Variants in LYST observed in about 807,000 individuals in gnomAD.
LYST encodes the protein lysosomal trafficking regulator.
In LYST, 192 loss-of-function variants were observed where a neutral mutation model predicts 413.6. The observed-to-expected ratio is 0.46, with a 90% CI of 0.41 to 0.52. The LOEUF (loss-of-function observed/expected upper bound fraction) is 0.52, where lower values mean the gene tolerates loss of function less well. Ranked by LOEUF, LYST falls within the 20% of genes least tolerant of loss-of-function variation. LYST has a pLI of 0.00. For synonymous variants in LYST, 1,525 were observed against 1,567.3 expected, an observed-to-expected ratio of 0.97 and a Z score of 0.64; for missense variants, 3,815 against 4,499.9, an observed-to-expected ratio of 0.85 and a Z score of 4.35.
intron 43 of LYST, among the ~76,000 whole-genome samples, chr1:235,711,626 T>C (rs1662409548): frequency 6.6e-6 from 1 of 152,216 alleles, no homozygotes; most frequent in Non-Finnish European, 1.5e-5. Context: ...TTCCTTTTGG[T>C]TATTAGATAA....
intron 1 of LYST, among the ~76,000 whole-genome samples, chr1:235,859,467 T>C (rs1047064823): frequency 1.3e-5 from 2 of 151,554 alleles, no homozygotes; most frequent in Middle Eastern, 3.2e-3. Context: ...GAAAATTGTT[T>C]TATTGGGTTT....
rs376757986 is a variant in LYST, at chr1:235,800,288, C to A, written c.4006+32G>T. 4 of 1,336,862 alleles carry A rather than the reference C, an allele frequency of 3.0e-6. No individual in the cohort carries two copies. In the South Asian group the frequency reaches 4.7e-5, roughly 16 times the overall value. 82.8% of individuals were successfully genotyped at this position (1,336,862 alleles called of 1,614,324 possible). On this transcript the variant is annotated intron_variant, in intron 10 of 52. Transcript: ENST00000389793. ...ATCAACTTTTCACATAAAATAATTTCAGAGCTATTGTTTAAAACAGTTTCA... is the reference window on the plus strand; with the variant it reads ...ATCAACTTTTCACATAAAATAATTTAAGAGCTATTGTTTAAAACAGTTTCA...
chr1:235,732,862 T>C (rs1664497673), intron 34 of LYST, among the ~76,000 whole-genome samples: 1 of 152,166 alleles, frequency 6.6e-6, no homozygotes, highest in African/African-American at 2.4e-5. Context: ...TTGCTGAAAA[T>C]ATATTTCCAG....
chr1:235,681,588 G>A (rs1237605370), intron 48 of LYST, among the ~76,000 whole-genome samples: 1 of 152,140 alleles, frequency 6.6e-6, no homozygotes, highest in African/African-American at 2.4e-5. Flanking sequence ...ACCCAGGCAG[G>A]ATGCAAAGGA....
chr1:235,731,264 A>C (rs1365802248), intron 34 of LYST, 87 bp from the exon 35 acceptor site: 4 of 1,098,800 alleles, frequency 3.6e-6, no homozygotes, highest in African/African-American at 1.5e-5. Context: ...TTGAGTAAGT[A>C]AGTCACAACT....
intron 40 of LYST, among the ~76,000 whole-genome samples, chr1:235,718,481 C>T (rs374244269): frequency 2.6e-5 from 4 of 151,894 alleles, no homozygotes; most frequent in African/African-American, 7.2e-5. Context: ...TAGTTGGTCT[C>T]GAACTCCTGA....
At chr1:235,672,698 TA>T (rs530324376) in intron 50 of LYST, among the ~76,000 whole-genome samples, 57 of 152,162 alleles carry the variant, frequency 3.7e-4, no homozygotes, top group African/African-American at 9.6e-4. Context: ...TAAACTTAAT[TA>T]AAAAAAATTA....
intron 32 of LYST, 142 bp downstream of exon 32, chr1:235,734,340 CA>C (rs969383956): frequency 3.2e-5 from 23 of 718,254 alleles, no homozygotes; most frequent in Non-Finnish European, 4.7e-5. Context: ...TAGACAAAAG[CA>C]ATATAGTATA....
chr1:235,729,762 T>TA, intron 36 of LYST, 105 bp from the exon 37 acceptor site: 2 of 796,714 alleles, frequency 2.5e-6, no homozygotes, highest in Non-Finnish European at 4.4e-6. Context: ...GCAGACTAGA[T>TA]AGAGTTCCAA....
intron 50 of LYST, among the ~76,000 whole-genome samples, chr1:235,675,102 A>T: frequency 6.6e-6 from 1 of 152,224 alleles, no homozygotes; most frequent in East Asian, 1.9e-4. Flanking sequence ...GACTCTGAAG[A>T]GGAAGAAGTA....
rs770004763 is a variant in LYST at position 235,810,417 on chromosome 1, G to A, written c.401C>T (p.Ser134Phe). 6.2e-7 allele frequency: 1 copy of A among 1,612,220 alleles called. No homozygotes were observed. The highest frequency in any genetic ancestry group is 8.5e-7 in the Non-Finnish European group (1 of 1,179,366). Reference protein sequence around the residue: ...LEGSALSSQVSAKVNVFRKSR... With the variant: ...LEGSALSSQVFAKVNVFRKSR... ...TTTTCGAAAAACATTTACTTTTGCA[G>A]AAACCTGACTAGACAGGGCACTTCC... Residue 134 changes from serine (S) to phenylalanine (F), a missense_variant, in exon 5 of 53, where the codon TCT becomes TTT. Physicochemically the swap from Ser to Phe is radical, Grantham distance 155 (BLOSUM62 -2). Transcript: ENST00000389793.
At chr1:235,736,574 G>A (rs909107186) in intron 31 of LYST, 1 of 152,078 alleles carries the variant, frequency 6.6e-6, no homozygotes, top group Non-Finnish European at 1.5e-5. Flanking sequence ...GAGTTAATCA[G>A]AATCAAGTTG....
chr1:235,746,384 T>G lies in LYST; in HGVS notation c.7924A>C (p.Arg2642=), dbSNP rs1665929197. 6.2e-7 allele frequency: 1 copy of G among 1,614,012 alleles called. No homozygotes were observed. The highest frequency in any genetic ancestry group is 1.7e-5 in the Admixed American group (1 of 60,012). Residue 2642 remains arginine, a synonymous_variant, in exon 29 of 53, where the codon AGA becomes CGA. Transcript: ENST00000389793. ...SQATETELAQ[R]LQRLTVLAVN... is the part of the protein sequence containing the mutation. Reference sequence around the variant, plus strand: ...GCTAAAACAGTGAGCCTCTGTAGTCTCTGCGCAAGTTCCGTTTCAGTTGCT... The same window carrying G: ...GCTAAAACAGTGAGCCTCTGTAGTCGCTGCGCAAGTTCCGTTTCAGTTGCT...
At chr1:235,815,855 G>A (rs901344306) in intron 3 of LYST, among the ~76,000 whole-genome samples, 12 of 152,080 alleles carry the variant, frequency 7.9e-5, no homozygotes, top group African/African-American at 1.4e-4. Context: ...AAATGGGGCC[G>A]GGCGCGGTGG....
intron 48 of LYST, among the ~76,000 whole-genome samples, chr1:235,678,138 G>T (rs1433564947): frequency 6.6e-6 from 1 of 151,526 alleles, no homozygotes; most frequent in Non-Finnish European, 1.5e-5. Context: ...AATAATTAAA[G>T]TTTTTTAAGA....
intron 3 of LYST, among the ~76,000 whole-genome samples, chr1:235,813,494 T>G (rs968506169): frequency 2.0e-5 from 3 of 152,244 alleles, no homozygotes; most frequent in African/African-American, 7.2e-5. Flanking sequence ...AAAAGAGAAA[T>G]TGACATTATT....
Position 235,759,063 on chromosome 1 carries a change from T to C in LYST, c.6790A>G (p.Ser2264Gly), listed in dbSNP as rs1398208052. Residue 2264 changes from serine (S) to glycine (G), a missense_variant, in exon 23 of 53, where the codon AGT becomes GGT. Physicochemically the swap from Ser to Gly is moderately conservative, Grantham distance 56. Transcript: ENST00000389793. ...NGSAAVGRWP[S>G]LVDRNTDDWE... ...TCATCAGTGTTTCTATCAACAAGAC[T>C]TGGCCAACGGCCAACAGCTGCAGAT... The C allele has an allele frequency of 6.2e-7, 1 of 1,614,130 alleles. No individual in the cohort carries two copies. The highest frequency in any genetic ancestry group is 8.5e-7 in the Non-Finnish European group (1 of 1,180,002).
intron 44 of LYST, among the ~76,000 whole-genome samples, chr1:235,705,658 T>C (rs1055673777): frequency 1.3e-5 from 2 of 152,078 alleles, no homozygotes; most frequent in African/African-American, 4.8e-5. Context: ...AGCATTTGGG[T>C]TATAGGCATT....
intron 27 of LYST, 49 bp from the exon 28 acceptor site, chr1:235,751,411 T>A (rs1666487187): frequency 3.3e-6 from 5 of 1,505,204 alleles, no homozygotes; most frequent in Non-Finnish European, 4.6e-6. Context: ...GGTTACTAAT[T>A]TTTTAATTGA....
Sources: gnomAD v4.1 joint callset for allele counts (sites outside exome capture counted in the v4.1 genomes callset) on GRCh38, gnomAD v4.1.1 for gene constraint, MANE v1.5 for transcripts, NCBI Gene and HGNC (gene_info 2026-07-23, HGNC 2026-07-21) for gene names.